The following PDZRN3 variants were observed in gnomAD, a reference collection of about 807,000 sequenced individuals.
PDZRN3 encodes E3 ubiquitin-protein ligase PDZRN3.
Under a neutral mutation model 85.7 loss-of-function variants are expected in PDZRN3, and 38 were observed. The ratio of observed to expected loss-of-function variants is 0.44; its 90% CI spans 0.34 to 0.58. The LOEUF is 0.58. Ranked by LOEUF, PDZRN3 falls within the 20% of genes least tolerant of loss-of-function variation. The pLI, the probability that PDZRN3 is intolerant of heterozygous loss-of-function variation, is 0.01. For synonymous variants in PDZRN3, 759 were observed against 638.0 expected (o/e 1.19, Z -2.86); for missense variants, 1,629 against 1,506.4 (o/e 1.08, Z -1.35).
chr3:73,542,954 A>G (rs1701319974), intron 3 of PDZRN3, among the ~76,000 whole-genome samples: 1 of 152,158 alleles, frequency 6.6e-6, no homozygotes, highest in African/African-American at 2.4e-5. Flanking sequence ...CCACAGCAAA[A>G]GATACTTTCC....
intron 3 of PDZRN3, among the ~76,000 whole-genome samples, chr3:73,451,452 G>C (rs1205235382): frequency 1.3e-5 from 2 of 152,058 alleles, no homozygotes; most frequent in Non-Finnish European, 2.9e-5. Flanking sequence ...TGAATATGTT[G>C]ACTTTAAATG....
intron 3 of PDZRN3, among the ~76,000 whole-genome samples, chr3:73,475,329 A>G (rs1287161916): frequency 6.6e-6 from 1 of 152,228 alleles, no homozygotes; most frequent in Non-Finnish European, 1.5e-5. Context: ...GACTTATGAA[A>G]GGCGATTTGT....
intron 3 of PDZRN3, among the ~76,000 whole-genome samples, chr3:73,581,581 A>T (rs909573052): frequency 6.6e-6 from 1 of 152,220 alleles, no homozygotes; most frequent in African/African-American, 2.4e-5. Flanking sequence ...ACATTATTAC[A>T]GTACTGCTTG....
At chr3:73,386,226 CTTTTTTTT>C (rs71126867) in intron 8 of PDZRN3, among the ~76,000 whole-genome samples, 5 of 90,730 alleles carry the variant, frequency 5.5e-5, no homozygotes, top group African/African-American at 2.0e-4. Flanking sequence ...CAAGATATCA[CTTTTTTTT>C]TTTTTTTTTT....
At chr3:73,614,903 A>G (rs1702737851) in intron 1 of PDZRN3, among the ~76,000 whole-genome samples, 1 of 152,202 alleles carries the variant, frequency 6.6e-6, no homozygotes, top group South Asian at 2.1e-4. Flanking sequence ...TAAGGAAGTG[A>G]TTCTTGCAGA....
chr3:73,478,138 G>A (rs930190553), intron 3 of PDZRN3, among the ~76,000 whole-genome samples: 1 of 152,144 alleles, frequency 6.6e-6, no homozygotes, highest in Admixed American at 6.6e-5. Context: ...GCCAAATCCT[G>A]AATCTGTATA....
rs988650608 is a variant in PDZRN3 at position 73,545,005 on chromosome 3, T to A, written c.918+57349A>T. On this transcript the variant is annotated intron_variant, in intron 3 of 9. Transcript: ENST00000263666. ...TAACAGCAAAACAATAGAAATGATG[T>A]AAAAGGGAAGAAATAAAAGGAAAAA... Among the ~76,000 whole-genome samples, 3 of 152,154 alleles carry A rather than the reference T, an allele frequency of 2.0e-5. No homozygotes were observed. The East Asian group carries it at 5.8e-4, about 29-fold the overall frequency.
chr3:73,401,253 G>T (rs1701743148), intron 4 of PDZRN3, among the ~76,000 whole-genome samples: 1 of 152,168 alleles, frequency 6.6e-6, no homozygotes, highest in African/African-American at 2.4e-5. Context: ...GATGGGCTTT[G>T]TTGTTTGCAG....
At chr3:73,577,064 G>A (rs1021776666) in intron 3 of PDZRN3, among the ~76,000 whole-genome samples, 2 of 152,088 alleles carry the variant, frequency 1.3e-5, no homozygotes, top group African/African-American at 4.8e-5. Context: ...AAATGGAGTC[G>A]CTCACTCATG....
At chr3:73,460,235 A>T (rs1164974888) in intron 3 of PDZRN3, among the ~76,000 whole-genome samples, 2 of 152,218 alleles carry the variant, frequency 1.3e-5, no homozygotes, top group Admixed American at 6.5e-5. Flanking sequence ...TGAGCGAAAG[A>T]ATCCTGTCAC....
intron 3 of PDZRN3, among the ~76,000 whole-genome samples, chr3:73,416,569 T>C (rs1056988227): frequency 3.9e-5 from 6 of 152,160 alleles, no homozygotes; most frequent in Non-Finnish European, 5.9e-5. Context: ...GTATTATTTA[T>C]TTCTAGAAAC....
intron 8 of PDZRN3, among the ~76,000 whole-genome samples, chr3:73,386,094 G>A (rs1006845767): frequency 6.6e-6 from 1 of 152,034 alleles, no homozygotes; most frequent in African/African-American, 2.4e-5. Flanking sequence ...AGGAGGGTCA[G>A]GTAGATTTAG....
At chr3:73,388,806 AAGATGGGCTTGCTGTGACAC>A in intron 7 of PDZRN3, among the ~76,000 whole-genome samples, 1 of 151,946 alleles carries the variant, frequency 6.6e-6, no homozygotes, top group Admixed American at 6.6e-5. Context: ...ATTACCAAGG[AAGATGGGCTTGCTGTGACAC>A]AGTGGAGGCA....
intron 3 of PDZRN3, among the ~76,000 whole-genome samples, chr3:73,530,976 C>T (rs1239948185): frequency 2.0e-5 from 3 of 152,076 alleles, no homozygotes; most frequent in Non-Finnish European, 4.4e-5. Context: ...GCTGGCCAGG[C>T]GTGGTGGCTC....
chr3:73,517,049 T>C (rs116008206), intron 3 of PDZRN3, among the ~76,000 whole-genome samples: 1,923 of 152,290 alleles, frequency 0.013, 50 homozygotes, highest in African/African-American at 0.043. Flanking sequence ...ACAAAGTGCT[T>C]ATTTCACTTC....
intron 3 of PDZRN3, among the ~76,000 whole-genome samples, chr3:73,538,875 C>A (rs1704850833): frequency 6.6e-6 from 1 of 152,174 alleles, no homozygotes; most frequent in Non-Finnish European, 1.5e-5. Flanking sequence ...CTCTCCTCCT[C>A]TGAAGGCTCA....
At chr3:73,619,214 G>A (rs986374774) in intron 1 of PDZRN3, among the ~76,000 whole-genome samples, 1 of 152,146 alleles carries the variant, frequency 6.6e-6, no homozygotes, top group Non-Finnish European at 1.5e-5. Context: ...AACCTGAAAA[G>A]TTTTGATGAC....
rs185521277 is a variant in PDZRN3 at position 73,401,581 on chromosome 3, G to T, written c.1167-572C>A. Among the ~76,000 whole-genome samples the T allele has an allele frequency of 9.2e-4, 140 of 152,276 alleles. 1 individual carries two copies. Among genetic ancestry groups the T allele is most frequent in the Middle Eastern group, 3.4e-3 (1 of 294 alleles). On this transcript the variant is annotated intron_variant, in intron 4 of 9. Transcript: ENST00000263666. ...TTGAAATGCACATACAAACATGTAG[G>T]CATAAGTGCATCTGTGTGTATATGT...
intron 3 of PDZRN3, among the ~76,000 whole-genome samples, chr3:73,500,481 A>G (rs1703955925): frequency 1.3e-5 from 2 of 152,112 alleles, no homozygotes; most frequent in African/African-American, 2.4e-5. Flanking sequence ...TGGGCCCTGA[A>G]TATTTCTGAG....
Sources: gnomAD v4.1 joint callset for allele counts (sites outside exome capture counted in the v4.1 genomes callset) on GRCh38, gnomAD v4.1.1 for gene constraint, MANE v1.5 for transcripts, NCBI Gene and HGNC (gene_info 2026-07-23, HGNC 2026-07-21) for gene names.